Variants in ATOSA observed in about 807,000 individuals in gnomAD.
ATOSA encodes atos homolog protein A.
the ATOSA span, among the ~76,000 whole-genome samples, chr15:52,672,172 C>CAAAAAAAAAAAA: frequency 4.8e-3 from 302 of 62,544 alleles, 38 homozygotes; most frequent in African/African-American, 0.012. Flanking sequence ...CCCCATTTCT[C>CAAAAAAAAAAAA]AAAAAAAAAA....
the ATOSA span, chr15:52,611,081 C>T: frequency 2.3e-5 from 35 of 1,533,466 alleles, no homozygotes; most frequent in Non-Finnish European, 3.1e-5. Flanking sequence ...CGGTTGCTAA[C>T]CAAGGTGGCT....
the ATOSA span, among the ~76,000 whole-genome samples, chr15:52,630,862 C>T: frequency 6.6e-6 from 1 of 152,122 alleles, no homozygotes; most frequent in Non-Finnish European, 1.5e-5. Flanking sequence ...GAATAATAAC[C>T]TACAGCTACA....
At chr15:52,588,596 G>A in the ATOSA span, among the ~76,000 whole-genome samples, 3 of 152,028 alleles carry the variant, frequency 2.0e-5, no homozygotes, top group South Asian at 2.1e-4. Context: ...TCACCACCAC[G>A]CCCAGCTAAT....
At chr15:52,672,495 A>G in the ATOSA span, among the ~76,000 whole-genome samples, 1 of 52,590 alleles carries the variant, frequency 1.9e-5, no homozygotes, top group Non-Finnish European at 4.4e-5. Flanking sequence ...TTGCCTTTTC[A>G]TTATCCAAAA....
chr15:52,630,847 T>C, the ATOSA span, among the ~76,000 whole-genome samples: 2 of 152,194 alleles, frequency 1.3e-5, no homozygotes, highest in African/African-American at 4.8e-5. Flanking sequence ...TAAACGTAAG[T>C]ACAAGAATAA....
the ATOSA span, among the ~76,000 whole-genome samples, chr15:52,588,631 T>TG: frequency 6.6e-6 from 1 of 152,014 alleles, no homozygotes; most frequent in South Asian, 2.1e-4. Flanking sequence ...TAGAGATGGT[T>TG]GGGGGCAGGG....
the ATOSA span, among the ~76,000 whole-genome samples, chr15:52,655,075 C>T: frequency 6.6e-6 from 1 of 152,046 alleles, no homozygotes; most frequent in Non-Finnish European, 1.5e-5. Context: ...GTTACTTGCC[C>T]AAGTAACTAG....
At chr15:52,632,744 C>G in the ATOSA span, among the ~76,000 whole-genome samples, 1 of 152,056 alleles carries the variant, frequency 6.6e-6, no homozygotes, top group African/African-American at 2.4e-5. Context: ...AGATTTTATA[C>G]AAAGGACCAG....
At chr15:52,661,455 G>T in the ATOSA span, among the ~76,000 whole-genome samples, 1 of 152,180 alleles carries the variant, frequency 6.6e-6, no homozygotes, top group African/African-American at 2.4e-5. Flanking sequence ...TAGTTGGACA[G>T]GTTGCTTTTC....
the ATOSA span, among the ~76,000 whole-genome samples, chr15:52,650,114 TAA>T: frequency 6.6e-6 from 1 of 152,212 alleles, no homozygotes; most frequent in Non-Finnish European, 1.5e-5. Context: ...TAGTAATTCA[TAA>T]GAGTTACAGC....
the ATOSA span, chr15:52,582,108 T>C: frequency 2.3e-5 from 34 of 1,457,032 alleles, no homozygotes; most frequent in Non-Finnish European, 2.9e-5. Context: ...TAATTTTTAC[T>C]TGCAAACTTG....
At chr15:52,699,082 A>G in the ATOSA span, among the ~76,000 whole-genome samples, 2 of 152,220 alleles carry the variant, frequency 1.3e-5, no homozygotes, top group Non-Finnish European at 2.9e-5. Flanking sequence ...AGCACTGCAT[A>G]AATGCACAGT....
the ATOSA span, chr15:52,609,703 A>T: frequency 6.2e-7 from 1 of 1,613,784 alleles, no homozygotes. Flanking sequence ...TTTTGAATGG[A>T]GTGAACTAGA....
At chr15:52,628,598 GAT>G in the ATOSA span, among the ~76,000 whole-genome samples, 7 of 152,026 alleles carry the variant, frequency 4.6e-5, no homozygotes, top group Non-Finnish European at 1.0e-4. Context: ...ACTACAATGT[GAT>G]ATAGTTTTTT....
the ATOSA span, among the ~76,000 whole-genome samples, chr15:52,626,678 G>C: frequency 6.6e-6 from 1 of 152,136 alleles, no homozygotes; most frequent in Admixed American, 6.6e-5. Context: ...TAATGGTAAA[G>C]GGGGGCCTTA....
At chr15:52,694,377 G>T in the ATOSA span, among the ~76,000 whole-genome samples, 3 of 152,034 alleles carry the variant, frequency 2.0e-5, no homozygotes, top group Non-Finnish European at 2.9e-5. Flanking sequence ...TGTTGAACAG[G>T]CTGGTCTCGA....
the ATOSA span, among the ~76,000 whole-genome samples, chr15:52,584,101 A>AAG: frequency 1.3e-5 from 2 of 150,968 alleles, no homozygotes; most frequent in African/African-American, 4.8e-5. Context: ...AAAAAAAAAA[A>AAG]AAAAAAAAAG....
At chr15:52,667,372 T>C in the ATOSA span, among the ~76,000 whole-genome samples, 54 of 152,294 alleles carry the variant, frequency 3.5e-4, no homozygotes, top group African/African-American at 1.2e-3. Context: ...AAGGAAGCAA[T>C]GTACAACTTT....
At chr15:52,582,239 G>A in the ATOSA span, 1 of 1,603,084 alleles carries the variant, frequency 6.2e-7, no homozygotes, top group Non-Finnish European at 8.5e-7. Context: ...AACCTCCATT[G>A]ACTTTCTAGA....
Sources: allele counts gnomAD v4.1 joint callset (sites outside exome capture counted in the v4.1 genomes callset), GRCh38; gene constraint gnomAD v4.1.1; transcripts MANE v1.5; gene names NCBI Gene and HGNC (gene_info 2026-07-23, HGNC 2026-07-21).